The following HPSE2 variants were observed in gnomAD, a reference collection of about 807,000 sequenced individuals.
The protein encoded by HPSE2 is inactive heparanase-2.
A neutral mutation model predicts 60.5 loss-of-function variants in HPSE2; 38 were observed. That is an observed-to-expected ratio of 0.63 (90% confidence interval 0.48 to 0.82). HPSE2 has a LOEUF of 0.82. HPSE2 is among the 40% of genes least tolerant of loss of function. The pLI is 0.00. For missense variants in HPSE2, 713 were observed against 740.4 expected, an observed-to-expected ratio of 0.96 and a Z score of 0.43; for synonymous variants, 295 against 293.2, an observed-to-expected ratio of 1.01 and a Z score of -0.06.
At chr10:98,701,937 G>A (rs1170802440) in intron 5 of HPSE2, among the ~76,000 whole-genome samples, 1 of 152,128 alleles carries the variant, frequency 6.6e-6, no homozygotes. Context: ...CATGATGGCA[G>A]GATCAAATTT....
chr10:98,947,463 C>G (rs1955221324), intron 3 of HPSE2, among the ~76,000 whole-genome samples: 1 of 152,034 alleles, frequency 6.6e-6, no homozygotes, highest in Non-Finnish European at 1.5e-5. Flanking sequence ...TTTAAAAAGT[C>G]AAGATAACAA....
intron 2 of HPSE2, among the ~76,000 whole-genome samples, chr10:99,196,621 T>C (rs1482574843): frequency 6.6e-6 from 1 of 152,122 alleles, no homozygotes; most frequent in African/African-American, 2.4e-5. Flanking sequence ...GTGCTCAACA[T>C]CACTGATCAT....
chr10:98,968,395 G>A (rs1262855974), intron 3 of HPSE2, among the ~76,000 whole-genome samples: 2 of 152,158 alleles, frequency 1.3e-5, no homozygotes, highest in African/African-American at 2.4e-5. Flanking sequence ...ATTTTTAACT[G>A]CTGGTGGGAG....
intron 3 of HPSE2, among the ~76,000 whole-genome samples, chr10:98,962,728 CAA>C (rs1955710883): frequency 6.7e-6 from 1 of 149,776 alleles, no homozygotes; most frequent in South Asian, 2.1e-4. Flanking sequence ...GCAACTTCAG[CAA>C]AGTCTCAGGA....
At chr10:98,836,090 T>C (rs1288608066) in intron 3 of HPSE2, among the ~76,000 whole-genome samples, 1 of 152,240 alleles carries the variant, frequency 6.6e-6, no homozygotes, top group Non-Finnish European at 1.5e-5. Flanking sequence ...GAAAGTAATT[T>C]TGAAATCAGC....
At chr10:98,573,840 T>C (rs1944568415) in intron 9 of HPSE2, among the ~76,000 whole-genome samples, 1 of 152,164 alleles carries the variant, frequency 6.6e-6, no homozygotes, top group South Asian at 2.1e-4. Context: ...TAATGAAGCA[T>C]ACCTAATGAG....
At chr10:99,039,747 A>C (rs1390954528) in intron 3 of HPSE2, among the ~76,000 whole-genome samples, 16 of 152,066 alleles carry the variant, frequency 1.1e-4, no homozygotes, top group Admixed American at 1.0e-3. Context: ...TTATAGCACA[A>C]GGAAGGGGAA....
intron 2 of HPSE2, among the ~76,000 whole-genome samples, chr10:99,148,338 A>G (rs756775195): frequency 4.6e-5 from 7 of 152,214 alleles, no homozygotes; most frequent in African/African-American, 1.7e-4. Flanking sequence ...TAAGCATACA[A>G]TAAGAGCACA....
intron 3 of HPSE2, among the ~76,000 whole-genome samples, chr10:99,119,822 G>A (rs1175056367): frequency 6.6e-6 from 1 of 152,072 alleles, no homozygotes; most frequent in African/African-American, 2.4e-5. Flanking sequence ...CTTTGACAAA[G>A]CTGACAAAAA....
At chr10:98,791,402 G>A (rs1345161734) in intron 3 of HPSE2, among the ~76,000 whole-genome samples, 2 of 152,166 alleles carry the variant, frequency 1.3e-5, no homozygotes, top group African/African-American at 4.8e-5. Flanking sequence ...TAATGTTGAG[G>A]AATGGGAATG....
At chr10:99,152,495 A>G (rs187657498) in intron 2 of HPSE2, among the ~76,000 whole-genome samples, 17 of 152,296 alleles carry the variant, frequency 1.1e-4, no homozygotes, top group African/African-American at 3.4e-4. Context: ...TTTCTCTTTT[A>G]CATGTTTTAA....
rs988477830 is a variant in HPSE2, at chr10:99,086,387, C to T, written c.610+57851G>A. ...TTTTTTTTTGAGACGGAGTCTCGCT[C>T]TGTCGCCCAGGCTGGAGTGCAGTGG... is the stretch of plus-strand genomic sequence containing the variant. On this transcript the variant is annotated intron_variant, in intron 3 of 11. Coordinates refer to ENST00000370552, the MANE Select transcript of HPSE2 (RefSeq NM_021828.5). Among the ~76,000 whole-genome samples the T allele has an allele frequency of 2.7e-5, 3 of 112,622 alleles. No individual in the cohort carries two copies. The South Asian group carries it at 9.1e-4, about 34-fold the overall frequency. The allele number at this position is 112,622 out of a possible 152,430, so 73.9% of individuals were successfully genotyped here.
rs150899160 is a variant in HPSE2 at position 98,891,859 on chromosome 10, T to A, written c.611-147803A>T. 4.4e-4 allele frequency among the ~76,000 whole-genome samples: 67 copies of A among 152,184 alleles called. No individual in the cohort carries two copies. The East Asian group carries it at 0.012, about 28-fold the overall frequency. ...ATCTTGGCTCACTGCAACCTCCACC[T>A]CCCTGGCTCAGGTGATCTTCCCACC... On this transcript the variant is annotated intron_variant, in intron 3 of 11. Coordinates refer to ENST00000370552, the MANE Select transcript of HPSE2 (RefSeq NM_021828.5).
At chr10:98,603,375 T>C (rs1228792466) in intron 9 of HPSE2, among the ~76,000 whole-genome samples, 1 of 152,000 alleles carries the variant, frequency 6.6e-6, no homozygotes, top group Non-Finnish European at 1.5e-5. Flanking sequence ...AAATTCTTCA[T>C]GCTTTCAGTA....
intron 3 of HPSE2, among the ~76,000 whole-genome samples, chr10:98,802,066 C>T (rs1950922039): frequency 6.6e-6 from 1 of 151,324 alleles, no homozygotes; most frequent in African/African-American, 2.4e-5. Context: ...TTGACAGTTT[C>T]CAAGAACATG....
intron 3 of HPSE2, among the ~76,000 whole-genome samples, chr10:98,759,180 A>T (rs1949949246): frequency 1.3e-5 from 1 of 75,058 alleles, no homozygotes; most frequent in African/African-American, 3.6e-5. Flanking sequence ...ACCAGGGCCT[A>T]CTTGAGGGTA....
At chr10:98,488,599 T>C (rs1941527753) in intron 10 of HPSE2, among the ~76,000 whole-genome samples, 2 of 152,194 alleles carry the variant, frequency 1.3e-5, no homozygotes, top group Non-Finnish European at 2.9e-5. Flanking sequence ...AGATTAGCGG[T>C]ATAAAGACCA....
intron 2 of HPSE2, 137 bp downstream of exon 2, chr10:99,232,211 G>C: frequency 1.4e-6 from 1 of 696,270 alleles, no homozygotes; most frequent in Non-Finnish European, 2.1e-6. Context: ...GCGCGCGCGC[G>C]CATACACACA....
chr10:98,938,091 A>C (rs1252361177), intron 3 of HPSE2, among the ~76,000 whole-genome samples: 1 of 142,888 alleles, frequency 7.0e-6, no homozygotes, highest in Non-Finnish European at 1.5e-5. Context: ...CCATCTGTAC[A>C]TCACCATCAT....
Sources: gnomAD v4.1 joint callset for allele counts (sites outside exome capture counted in the v4.1 genomes callset) on GRCh38, gnomAD v4.1.1 for gene constraint, MANE v1.5 for transcripts, NCBI Gene and HGNC (gene_info 2026-07-23, HGNC 2026-07-21) for gene names.